F13A1: variants seen among roughly 807,000 people sequenced by gnomAD.
F13A1 encodes FSF, A subunit.
Under a neutral mutation model 80.1 loss-of-function variants are expected in F13A1, and 47 were observed. The observed-to-expected ratio is 0.59, with a 90% confidence interval of 0.46 to 0.75. The LOEUF is 0.75. Ranked by LOEUF, F13A1 falls within the 30% of genes least tolerant of loss-of-function variation. The probability of loss-of-function intolerance (pLI) is 0.00; values close to 1 mark genes in which losing one functional copy is unlikely to be tolerated. For synonymous variants in F13A1, 349 were observed against 344.9 expected, an observed-to-expected ratio of 1.01 and a Z score of -0.13; for missense variants, 817 against 930.4, an observed-to-expected ratio of 0.88 and a Z score of 1.59.
At chr6:6,247,689 A>G (rs1215018453) in intron 6 of F13A1, among the ~76,000 whole-genome samples, 3 of 152,220 alleles carry the variant, frequency 2.0e-5, no homozygotes, top group Admixed American at 6.5e-5. Context: ...TCTAGATTTG[A>G]AGTCAGCAGA....
intron 2 of F13A1, among the ~76,000 whole-genome samples, chr6:6,315,327 A>C (rs1317369184): frequency 6.6e-6 from 1 of 152,212 alleles, no homozygotes; most frequent in Non-Finnish European, 1.5e-5. Context: ...TCCTGGCTAC[A>C]ACTGAATTCA....
chr6:6,269,382 C>T (rs554341033), intron 3 of F13A1, among the ~76,000 whole-genome samples: 6 of 152,182 alleles, frequency 3.9e-5, no homozygotes, highest in African/African-American at 1.4e-4. Context: ...GATGGGTTTA[C>T]CAATTGCCAA....
chr6:6,177,403 T>C (rs1350813538), intron 11 of F13A1, among the ~76,000 whole-genome samples: 1 of 152,206 alleles, frequency 6.6e-6, no homozygotes, highest in African/African-American at 2.4e-5. Flanking sequence ...TACTAGTTAC[T>C]GTGTGACATT....
At chr6:6,208,660 T>C (rs1000780042) in intron 8 of F13A1, among the ~76,000 whole-genome samples, 2 of 152,296 alleles carry the variant, frequency 1.3e-5, no homozygotes, top group East Asian at 1.9e-4. Context: ...ACTTTTTTTC[T>C]TTTTCAAATC....
intron 10 of F13A1, among the ~76,000 whole-genome samples, chr6:6,193,066 C>T (rs1761230516): frequency 6.6e-6 from 1 of 152,072 alleles, no homozygotes; most frequent in Non-Finnish European, 1.5e-5. Context: ...GGCTTCAGAT[C>T]CACAGGAACC....
intron 8 of F13A1, among the ~76,000 whole-genome samples, chr6:6,209,500 T>C (rs2113029229): frequency 6.6e-6 from 1 of 152,260 alleles, no homozygotes; most frequent in African/African-American, 2.4e-5. Flanking sequence ...ACTCTAAATA[T>C]ATGCCCATGA....
intron 3 of F13A1, among the ~76,000 whole-genome samples, chr6:6,299,484 T>A (rs1191971203): frequency 7.9e-6 from 1 of 126,366 alleles, no homozygotes; most frequent in Admixed American, 7.7e-5. Context: ...CCCTTCTCAC[T>A]TCATTTCGTT....
intron 8 of F13A1, among the ~76,000 whole-genome samples, chr6:6,211,409 A>C (rs1194520063): frequency 1.3e-5 from 2 of 152,226 alleles, no homozygotes; most frequent in African/African-American, 4.8e-5. Context: ...ATGTTTGAAA[A>C]TAAGCATCTC....
Position 6,241,284 on chromosome 6 carries a change from T to C in F13A1, c.798+7028A>G, listed in dbSNP as rs1225940608. On this transcript the variant is annotated intron_variant, in intron 6 of 14. Transcript: ENST00000264870. ...CCTCTAGGCATCTGTGGGTTAGTAA[T>C]GCAGGTAGGCTGTTGTCGCTTTTAT... Among the ~76,000 whole-genome samples the C allele has an allele frequency of 2.0e-5, 3 of 152,192 alleles. No individual in the cohort carries two copies. In the East Asian group the frequency reaches 5.8e-4, roughly 29 times the overall value.
At chr6:6,157,950 A>T (rs1561637698) in intron 13 of F13A1, among the ~76,000 whole-genome samples, 1 of 152,220 alleles carries the variant, frequency 6.6e-6, no homozygotes, top group Non-Finnish European at 1.5e-5. Context: ...AGAGAGATGG[A>T]AATGAACACC....
chr6:6,170,954 G>A (rs1760761745), intron 12 of F13A1, among the ~76,000 whole-genome samples: 2 of 152,154 alleles, frequency 1.3e-5, no homozygotes, highest in South Asian at 4.1e-4. Context: ...GGACAACCTG[G>A]GGCTGGCCAA....
At chr6:6,266,025 A>C (rs985026698) in intron 4 of F13A1, among the ~76,000 whole-genome samples, 1 of 152,220 alleles carries the variant, frequency 6.6e-6, no homozygotes, top group Non-Finnish European at 1.5e-5. Flanking sequence ...AACTAACTGC[A>C]ACTTTAGACA....
chr6:6,246,821 G>C (rs567922493), intron 6 of F13A1, among the ~76,000 whole-genome samples: 8 of 152,312 alleles, frequency 5.3e-5, no homozygotes, highest in African/African-American at 1.9e-4. Flanking sequence ...ATGCTGATGA[G>C]TGTGCCATTT....
chr6:6,251,335 G>A (rs1757629726), intron 4 of F13A1, among the ~76,000 whole-genome samples: 1 of 152,148 alleles, frequency 6.6e-6, no homozygotes, highest in African/African-American at 2.4e-5. Context: ...TAGATGAATT[G>A]AAAATGACTT....
intron 13 of F13A1, among the ~76,000 whole-genome samples, chr6:6,156,565 C>G (rs1254435421): frequency 6.6e-6 from 1 of 152,094 alleles, no homozygotes; most frequent in African/African-American, 2.4e-5. Flanking sequence ...CTGTATTTTT[C>G]CCTCCCCCTT....
chr6:6,215,013 G>C lies in F13A1; in HGVS notation c.1112+7020C>G, dbSNP rs1389631353. On this transcript the variant is annotated intron_variant, in intron 8 of 14. Coordinates refer to ENST00000264870, the MANE Select transcript of F13A1 (RefSeq NM_000129.4). ...TGAATCTCTGAATAGACCAATAACA[G>C]GATCTGAAATTGTGGCAATAATCAA... Among the ~76,000 whole-genome samples, 3 of 76,838 alleles carry C rather than the reference G, an allele frequency of 3.9e-5. No individual in the cohort carries two copies. In the Admixed American group the frequency reaches 4.0e-4, roughly 10 times the overall value. 50.4% of individuals were successfully genotyped at this position (76,838 alleles called of 152,430 possible).
At chr6:6,151,275 T>TAA (rs5874018) in intron 14 of F13A1, among the ~76,000 whole-genome samples, 9 of 151,092 alleles carry the variant, frequency 6.0e-5, no homozygotes, top group Non-Finnish European at 1.2e-4. Flanking sequence ...TAGGCTCAAC[T>TAA]AAAAAAAAAC....
In F13A1 at chr6:6,209,543, TTACCTG is replaced by T. The variant is rs555623009; in HGVS notation, c.1113-12223_1113-12218del. Among the ~76,000 whole-genome samples, 34 of 152,238 alleles carry T rather than the reference TTACCTG, an allele frequency of 2.2e-4. No individual in the cohort carries two copies. The East Asian group carries it at 2.9e-3, about 13-fold the overall frequency. The stretch of plus-strand genomic sequence containing the variant: ...AAAACATATGTTCACATAAAAACTT[TTACCTG>T]AATGTTCATTACAACATTATTCATG... On this transcript the variant is annotated intron_variant, in intron 8 of 14. Coordinates refer to ENST00000264870, the MANE Select transcript of F13A1 (RefSeq NM_000129.4).
intron 3 of F13A1, among the ~76,000 whole-genome samples, chr6:6,274,578 G>A (rs977974846): frequency 6.6e-6 from 1 of 152,160 alleles, no homozygotes; most frequent in African/African-American, 2.4e-5. Context: ...GAGAAAATAC[G>A]AACAGCATTG....
Sources: allele counts gnomAD v4.1 joint callset (sites outside exome capture counted in the v4.1 genomes callset), GRCh38; gene constraint gnomAD v4.1.1; transcripts MANE v1.5; gene names NCBI Gene and HGNC (gene_info 2026-07-23, HGNC 2026-07-21).